The following CNTN5 variants were observed in gnomAD, a reference collection of about 807,000 sequenced individuals.
The protein encoded by CNTN5 is contactin 5, also known as contactin-5.
CNTN5 carries 77 observed loss-of-function variants against 129.1 expected under a neutral mutation model. That is an observed-to-expected ratio of 0.60 (90% confidence interval 0.50 to 0.72). CNTN5 has a LOEUF of 0.72. Ranked by LOEUF, CNTN5 falls within the 30% of genes least tolerant of loss-of-function variation. CNTN5 has a pLI of 0.00. For synonymous variants in CNTN5, 509 were observed against 465.6 expected (o/e 1.09, Z -1.20); for missense variants, 1,478 against 1,328.8 (o/e 1.11, Z -1.75).
chr11:99,547,292 C>A (rs368770621), intron 2 of CNTN5, among the ~76,000 whole-genome samples: 69 of 152,258 alleles, frequency 4.5e-4, no homozygotes, highest in African/African-American at 1.6e-3. Context: ...GCGTGAGCCA[C>A]CGCGCCTGGT....
In CNTN5 at chr11:99,758,227, CT is replaced by C. The variant is rs1449087943; in HGVS notation, c.56-61310del. 2.0e-5 allele frequency among the ~76,000 whole-genome samples: 3 copies of C among 151,928 alleles called. No homozygotes were observed. In the South Asian group the frequency reaches 6.2e-4, roughly 31 times the overall value. ...TGGTTCATACCACTTCAAACCCTCC[CT>C]TTTTTTGCTCCTTGTAAGTTTCTTT... On this transcript the variant is annotated intron_variant, in intron 3 of 24. Coordinates refer to ENST00000524871, the MANE Select transcript of CNTN5 (RefSeq NM_014361.4).
intron 2 of CNTN5, among the ~76,000 whole-genome samples, chr11:99,542,043 T>C (rs1193700202): frequency 6.6e-6 from 1 of 152,026 alleles, no homozygotes; most frequent in Non-Finnish European, 1.5e-5. Flanking sequence ...AATTTATCTC[T>C]TTGTTTTTAA....
intron 1 of CNTN5, among the ~76,000 whole-genome samples, chr11:99,116,268 A>G (rs900652082): frequency 3.3e-5 from 5 of 152,180 alleles, no homozygotes; most frequent in Admixed American, 3.3e-4. Flanking sequence ...TTTCCACAAT[A>G]ATATTTTATA....
chr11:99,739,004 A>G (rs908766196), intron 3 of CNTN5, among the ~76,000 whole-genome samples: 2 of 152,286 alleles, frequency 1.3e-5, no homozygotes, highest in African/African-American at 2.4e-5. Context: ...TGTAATAAAT[A>G]TAGACGATAG....
At chr11:99,597,235 C>T (rs1379297394) in intron 3 of CNTN5, among the ~76,000 whole-genome samples, 2 of 152,054 alleles carry the variant, frequency 1.3e-5, no homozygotes, top group African/African-American at 2.4e-5. Flanking sequence ...TGGAGTCTCA[C>T]GGAATGTTCT....
chr11:99,157,903 A>G (rs1860412900), intron 1 of CNTN5, among the ~76,000 whole-genome samples: 3 of 152,180 alleles, frequency 2.0e-5, no homozygotes. Context: ...GCTGAAACTG[A>G]GGTTTGTACA....
At chr11:99,904,832 T>G (rs1949453562) in intron 6 of CNTN5, among the ~76,000 whole-genome samples, 1 of 152,214 alleles carries the variant, frequency 6.6e-6, no homozygotes, top group South Asian at 2.1e-4. Context: ...GTGATTGCCA[T>G]TCTAAATGGC....
chr11:100,071,698 A>T lies in CNTN5; in HGVS notation c.1300-7A>T, dbSNP rs1386718568. On this transcript the variant is annotated splice_polypyrimidine_tract_variant and splice_region_variant and intron_variant, in intron 11 of 24. Coordinates refer to ENST00000524871, the MANE Select transcript of CNTN5 (RefSeq NM_014361.4). Reference sequence around the variant, plus strand: ...TTCTAGATCTAATTTTTTTAATTCCATTACAGAGTAGGGTTGAGATGGTTA... The same window carrying T: ...TTCTAGATCTAATTTTTTTAATTCCTTTACAGAGTAGGGTTGAGATGGTTA... The T allele has an allele frequency of 6.4e-7, 1 of 1,555,874 alleles. No homozygotes were observed. Among genetic ancestry groups the T allele is most frequent in the Non-Finnish European group, 8.7e-7 (1 of 1,152,630 alleles).
intron 6 of CNTN5, among the ~76,000 whole-genome samples, chr11:99,911,724 A>G (rs1015606045): frequency 7.2e-6 from 1 of 138,632 alleles, no homozygotes; most frequent in Non-Finnish European, 1.6e-5. Flanking sequence ...CCTACTCAAC[A>G]TGTCTCAGGA....
intron 2 of CNTN5, among the ~76,000 whole-genome samples, chr11:99,376,162 T>A (rs112990823): frequency 5.3e-5 from 8 of 152,338 alleles, no homozygotes; most frequent in African/African-American, 1.7e-4. Flanking sequence ...ATATTGCATA[T>A]GAAGAATATT....
chr11:99,645,905 C>T (rs597187), intron 3 of CNTN5, among the ~76,000 whole-genome samples: 90,954 of 151,544 alleles, frequency 0.6, 28,097 homozygotes, highest in Admixed American at 0.69. Context: ...TGTAACAAAC[C>T]TGCAAGTTTT....
rs1022436990 is a variant in CNTN5 at position 99,448,800 on chromosome 11, C to T, written c.-70-107345C>T. Reference sequence around the variant, plus strand: ...ATTTTATTTTATTTTATTTTTGAGACAGGGTCATCTTTTGTTGCCCAGGCT... The same window carrying T: ...ATTTTATTTTATTTTATTTTTGAGATAGGGTCATCTTTTGTTGCCCAGGCT... On this transcript the variant is annotated intron_variant, in intron 2 of 24. Coordinates refer to ENST00000524871, the MANE Select transcript of CNTN5 (RefSeq NM_014361.4). Among the ~76,000 whole-genome samples the T allele has an allele frequency of 2.8e-5, 3 of 106,174 alleles. No individual in the cohort carries two copies. In the South Asian group the frequency reaches 8.2e-4, roughly 29 times the overall value. 69.7% of individuals were successfully genotyped at this position (106,174 alleles called of 152,430 possible). A position where few individuals can be genotyped will look rare whatever the true frequency, so the allele number is the denominator to read the frequency against.
intron 20 of CNTN5, among the ~76,000 whole-genome samples, chr11:100,302,605 C>T (rs1055081347): frequency 6.6e-6 from 1 of 151,418 alleles, no homozygotes; most frequent in African/African-American, 2.4e-5. Context: ...CTTTTCACAG[C>T]CGACACCAAG....
intron 4 of CNTN5, among the ~76,000 whole-genome samples, chr11:99,828,665 A>G (rs1215150664): frequency 6.6e-6 from 1 of 152,220 alleles, no homozygotes; most frequent in East Asian, 1.9e-4. Flanking sequence ...CACATGCATA[A>G]TCATGGAAGC....
intron 3 of CNTN5, among the ~76,000 whole-genome samples, chr11:99,568,466 C>T (rs918069804): frequency 3.3e-5 from 5 of 152,074 alleles, no homozygotes; most frequent in Admixed American, 6.6e-5. Flanking sequence ...CTGCTTAGCA[C>T]GAGCATCTGG....
chr11:99,206,623 A>G (rs528325581), intron 1 of CNTN5, among the ~76,000 whole-genome samples: 1 of 152,020 alleles, frequency 6.6e-6, no homozygotes, highest in Non-Finnish European at 1.5e-5. Context: ...CCCACTTACT[A>G]CTACCTTAGC....
chr11:99,055,770 C>A (rs575918570), intron 1 of CNTN5, among the ~76,000 whole-genome samples: 1 of 151,996 alleles, frequency 6.6e-6, no homozygotes, highest in South Asian at 2.1e-4. Flanking sequence ...TAAGCTTAGT[C>A]CATTCTAACT....
At chr11:99,213,536 T>C (rs1859953824) in intron 1 of CNTN5, among the ~76,000 whole-genome samples, 1 of 150,740 alleles carries the variant, frequency 6.6e-6, no homozygotes, top group Non-Finnish European at 1.5e-5. Flanking sequence ...CTTTCCTCTG[T>C]AGAATTTTGA....
intron 3 of CNTN5, among the ~76,000 whole-genome samples, chr11:99,708,120 C>A (rs188732073): frequency 1.3e-5 from 2 of 151,764 alleles, no homozygotes; most frequent in East Asian, 3.9e-4. Context: ...AACTTGTGAC[C>A]TAGACCACTA....
Sources: gnomAD v4.1 joint callset for allele counts (sites outside exome capture counted in the v4.1 genomes callset) on GRCh38, gnomAD v4.1.1 for gene constraint, MANE v1.5 for transcripts, NCBI Gene and HGNC (gene_info 2026-07-23, HGNC 2026-07-21) for gene names.